XPO6: variants seen among roughly 807,000 people sequenced by gnomAD.
The protein encoded by XPO6 is exportin-6.
XPO6 carries 3 observed loss-of-function variants against 130.0 expected under a neutral mutation model. The observed-to-expected ratio is 0.02, with a 90% CI of 0.01 to 0.06. The LOEUF (loss-of-function observed/expected upper bound fraction) is 0.06, where lower values mean the gene tolerates loss of function less well. XPO6 is among the 10% of genes least tolerant of loss of function. The probability of loss-of-function intolerance (pLI) is 1.00; values close to 1 mark genes in which losing one functional copy is unlikely to be tolerated. For missense variants in XPO6, 970 were observed against 1,393.0 expected (o/e 0.70, Z 4.83); for synonymous variants, 524 against 548.9 (o/e 0.95, Z 0.63).
At chr16:28,210,372 C>T (rs2044107602) in intron 1 of XPO6, among the ~76,000 whole-genome samples, 1 of 152,150 alleles carries the variant, frequency 6.6e-6, no homozygotes, top group Admixed American at 6.5e-5. Flanking sequence ...ATGGGTGAAA[C>T]TGAGGAGAAC....
chr16:28,201,042 TCACC>T (rs1259402713), intron 1 of XPO6, among the ~76,000 whole-genome samples: 1 of 151,948 alleles, frequency 6.6e-6, no homozygotes, highest in Non-Finnish European at 1.5e-5. Context: ...AGACCTCACC[TCACC>T]CACTCCCACT....
At chr16:28,164,569 T>C (rs2043326982) in intron 6 of XPO6, among the ~76,000 whole-genome samples, 2 of 152,352 alleles carry the variant, frequency 1.3e-5, no homozygotes, top group South Asian at 4.1e-4. Flanking sequence ...TCTCAAATAC[T>C]AAAATCCAAC....
chr16:28,192,357 T>A (rs1341904381), intron 1 of XPO6, among the ~76,000 whole-genome samples: 2 of 150,792 alleles, frequency 1.3e-5, no homozygotes, highest in Non-Finnish European at 3.0e-5. Flanking sequence ...AGCATAATCA[T>A]CCCCTCCAGG....
intron 14 of XPO6, among the ~76,000 whole-genome samples, chr16:28,119,716 T>C (rs554412157): frequency 5.9e-5 from 9 of 152,296 alleles, no homozygotes; most frequent in African/African-American, 1.7e-4. Context: ...ATATGGACTA[T>C]ATATGAGATG....
intron 1 of XPO6, among the ~76,000 whole-genome samples, chr16:28,187,995 G>A (rs1397776594): frequency 6.6e-6 from 1 of 152,088 alleles, no homozygotes; most frequent in Non-Finnish European, 1.5e-5. Flanking sequence ...CTAGAAGGTG[G>A]TTTCCTCAAA....
intron 9 of XPO6, among the ~76,000 whole-genome samples, chr16:28,142,551 AG>A (rs1174434320): frequency 2.0e-5 from 3 of 152,006 alleles, no homozygotes; most frequent in Non-Finnish European, 2.9e-5. Flanking sequence ...AGGAGCTTGG[AG>A]GGGTTTTTGT....
intron 16 of XPO6, 98 bp downstream of exon 16, chr16:28,112,806 C>A: frequency 6.8e-7 from 1 of 1,464,104 alleles, no homozygotes; most frequent in Non-Finnish European, 9.2e-7. Context: ...AGCCTGTAAG[C>A]TCTGAGTACA....
chr16:28,147,251 C>T (rs1217229952), intron 8 of XPO6, among the ~76,000 whole-genome samples: 1 of 152,080 alleles, frequency 6.6e-6, no homozygotes, highest in African/African-American at 2.4e-5. Context: ...TGTACCTAAG[C>T]TGAAGTCTGA....
chr16:28,159,665 G>A (rs1025134648), intron 6 of XPO6, among the ~76,000 whole-genome samples: 9 of 152,294 alleles, frequency 5.9e-5, no homozygotes, highest in East Asian at 5.8e-4. Context: ...AAGAGGGTGC[G>A]CTAGCTAACT....
At chr16:28,168,673 G>T (rs118127284) in intron 5 of XPO6, among the ~76,000 whole-genome samples, 3,542 of 151,044 alleles carry the variant, frequency 0.023, 66 homozygotes, top group Middle Eastern at 0.045. Flanking sequence ...ACGATCATAG[G>T]TCACTGCAGC....
Position 28,188,111 on chromosome 16 carries a change from ATT to A in XPO6, c.4-7082_4-7081del. 2.0e-5 allele frequency among the ~76,000 whole-genome samples: 3 copies of A among 152,182 alleles called. No individual in the cohort carries two copies. In the Middle Eastern group the frequency reaches 0.01, roughly 518 times the overall value. On this transcript the variant is annotated intron_variant, in intron 1 of 23. Transcript: ENST00000304658. ...TTGGGGAATAATGACTATTTTTTAA[ATT>A]TTTTTTAAATAAAGATGGGGTCTTG...
intron 6 of XPO6, among the ~76,000 whole-genome samples, chr16:28,164,906 A>T (rs565919169): frequency 1.3e-5 from 2 of 152,202 alleles, no homozygotes; most frequent in African/African-American, 4.8e-5. Flanking sequence ...AACTGTCTAA[A>T]ATAAATCTAA....
At chr16:28,183,190 T>A (rs2043644507) in intron 1 of XPO6, 3 of 152,122 alleles carry the variant, frequency 2.0e-5, no homozygotes, top group Non-Finnish European at 4.4e-5. Context: ...TTCCTGATAA[T>A]CTCCAAAAAG....
At chr16:28,159,086 C>T (rs891546132) in intron 6 of XPO6, among the ~76,000 whole-genome samples, 2 of 151,886 alleles carry the variant, frequency 1.3e-5, no homozygotes, top group African/African-American at 4.8e-5. Context: ...AAAAATTAGC[C>T]AAGCATGGTG....
Position 28,132,207 on chromosome 16 carries a change from G to T in XPO6, c.1606+127C>A. 1 of 728,438 alleles carries T rather than the reference G, an allele frequency of 1.4e-6. No individual in the cohort carries two copies. Among genetic ancestry groups the T allele is most frequent in the Non-Finnish European group, 2.3e-6 (1 of 427,464 alleles). 45.1% of individuals were successfully genotyped at this position (728,438 alleles called of 1,614,324 possible). A position where few individuals can be genotyped will look rare whatever the true frequency, so the allele number is the denominator to read the frequency against. On this transcript the variant is annotated intron_variant, in intron 12 of 23. Coordinates refer to ENST00000304658, the MANE Select transcript of XPO6 (RefSeq NM_015171.4). This position sits in a 1 kb window ranked among gnomAD's most constrained non-coding sequence, Gnocchi z 4.0. ...AAAAACGTTCCCTGTTTCGAAGTGG[G>T]GAGAGATGCCAGTGGGGAGGCTGCA...
At position 28,156,398 on chromosome 16, in the gene XPO6, C is replaced by G; in HGVS notation, c.773G>C (p.Ser258Thr). The G allele has an allele frequency of 6.2e-7, 1 of 1,614,068 alleles. No individual in the cohort carries two copies. The highest frequency in any genetic ancestry group is 1.3e-5 in the African/African-American group (1 of 74,986). The part of the protein sequence containing the change: ...LALECLAHLF[S>T]WIPLSASITP... ...GATGCTGGCAGACAGAGGAATCCAA[C>G]TGAAGAGATGGGCCAGGCACTCCAA... is the stretch of plus-strand genomic sequence containing the variant. The change falls in exon 7 of 24, where the codon AGT becomes ACT. Residue 258 changes from serine to threonine, a missense_variant. By Grantham distance (58) the Ser-to-Thr change is moderately conservative (BLOSUM62 1). Coordinates refer to ENST00000304658, the MANE Select transcript of XPO6 (RefSeq NM_015171.4).
intron 1 of XPO6, among the ~76,000 whole-genome samples, chr16:28,203,357 T>C (rs1026514784): frequency 5.3e-5 from 8 of 151,230 alleles, no homozygotes; most frequent in African/African-American, 1.9e-4. Flanking sequence ...GTTGAAAAAG[T>C]AGAGGTAGAG....
At chr16:28,187,464 C>T (rs2141882681) in intron 1 of XPO6, among the ~76,000 whole-genome samples, 1 of 152,112 alleles carries the variant, frequency 6.6e-6, no homozygotes, top group South Asian at 2.1e-4. Flanking sequence ...TGCAGCTTGA[C>T]CTTGGCCTAG....
intron 1 of XPO6, among the ~76,000 whole-genome samples, chr16:28,191,415 G>A (rs768756274): frequency 2.0e-5 from 3 of 152,188 alleles, no homozygotes; most frequent in Non-Finnish European, 4.4e-5. Context: ...CATATCCCAG[G>A]AGGATGGATG....
Sources: gnomAD v4.1 joint callset for allele counts (sites outside exome capture counted in the v4.1 genomes callset) on GRCh38, gnomAD v4.1.1 for gene constraint, Gnocchi (gnomAD v3.1) non-coding constraint, MANE v1.5 for transcripts, NCBI Gene and HGNC (gene_info 2026-07-23, HGNC 2026-07-21) for gene names.